Variants in DNAH6 observed in about 807,000 individuals in gnomAD.
DNAH6 encodes dynein axonemal heavy chain 6.
A neutral mutation model predicts 491.4 loss-of-function variants in DNAH6; 340 were observed. The observed-to-expected ratio is 0.69, with a 90% CI of 0.63 to 0.76. The LOEUF is 0.76. Among genes scored for constraint, DNAH6 ranks in the 30% least tolerant of loss-of-function variants. DNAH6 has a pLI of 0.00. For missense variants in DNAH6, 4,443 were observed against 4,972.2 expected (o/e 0.89, Z 3.20); for synonymous variants, 1,603 against 1,686.1 (o/e 0.95, Z 1.21).
rs1055618096 is a variant in DNAH6 at position 84,681,625 on chromosome 2, T to C, written c.6916+97T>C. 2.7e-6 allele frequency: 3 copies of C among 1,122,512 alleles called. No individual in the cohort carries two copies. The African/African-American group carries it at 4.9e-5, about 18-fold the overall frequency. The allele number at this position is 1,122,512 out of a possible 1,614,324, so 69.5% of individuals were successfully genotyped here. A position where few individuals can be genotyped will look rare whatever the true frequency, so the allele number is the denominator to read the frequency against. The stretch of plus-strand genomic sequence containing the variant: ...AACATTGTATGTATGCAGGTGTTGG[T>C]GACTCACCCAGAAATCCCATCACCT... On this transcript the variant is annotated intron_variant, in intron 42 of 76. Transcript: ENST00000389394.
intron 76 of DNAH6, among the ~76,000 whole-genome samples, chr2:84,818,376 C>T (rs1045056823): frequency 3.3e-5 from 5 of 150,470 alleles, no homozygotes; most frequent in African/African-American, 7.3e-5. Flanking sequence ...TAGTCCCAGC[C>T]GCTTGGGAGA....
chr2:84,497,307 T>C, the DNAH6 span, among the ~76,000 whole-genome samples: 2 of 152,164 alleles, frequency 1.3e-5, no homozygotes, highest in African/African-American at 4.8e-5. Context: ...GGGTTTTTTT[T>C]TCGTTCAGCT....
At chr2:84,807,981 T>G (rs1015026357) in intron 71 of DNAH6, among the ~76,000 whole-genome samples, 1 of 152,126 alleles carries the variant, frequency 6.6e-6, no homozygotes, top group African/African-American at 2.4e-5. Flanking sequence ...TGATCTCACT[T>G]AAGCAACAAG....
chr2:84,584,027 T>C lies in DNAH6; in HGVS notation c.2258T>C (p.Ile753Thr), dbSNP rs770157733. The C allele has an allele frequency of 1.2e-6, 2 of 1,613,840 alleles. No homozygotes were observed. The highest frequency in any genetic ancestry group is 1.1e-5 in the South Asian group (1 of 91,068). The change falls in exon 15 of 77, where the codon ATA becomes ACA. Residue 753 changes from isoleucine to threonine, a missense_variant. Physicochemically the swap from Ile to Thr is moderately conservative, Grantham distance 89. Transcript: ENST00000389394. The part of the protein sequence containing the change: ...RIESLEDEGN[I>T]VTQMYKLMEQ... ...GAAAGCCTTGAAGATGAGGGGAATA[T>C]AGTGACTCAAATGTACAAGCTTATG...
At chr2:84,539,671 A>C (rs535004864) in intron 4 of DNAH6, among the ~76,000 whole-genome samples, 90 of 152,162 alleles carry the variant, frequency 5.9e-4, no homozygotes, top group Non-Finnish European at 1.1e-3. Context: ...GTGGAGCCCG[A>C]GAATGTGCAA....
chr2:84,685,751 A>T (rs1694202076), intron 43 of DNAH6, among the ~76,000 whole-genome samples: 1 of 152,212 alleles, frequency 6.6e-6, no homozygotes, highest in African/African-American at 2.4e-5. Flanking sequence ...GGAGTTCGAG[A>T]CCAGCCTGGG....
chr2:84,749,902 G>T (rs1673303950), intron 63 of DNAH6, among the ~76,000 whole-genome samples: 2 of 152,234 alleles, frequency 1.3e-5, no homozygotes, highest in African/African-American at 4.8e-5. Context: ...GCTTTTCAAA[G>T]GTAAATAGGA....
intron 42 of DNAH6, among the ~76,000 whole-genome samples, chr2:84,683,715 G>T (rs1043900983): frequency 1.3e-5 from 2 of 152,008 alleles, no homozygotes; most frequent in African/African-American, 2.4e-5. Context: ...GAGCCACTGC[G>T]CCCGGCCAAT....
chr2:84,689,677 A>C (rs1262020540), intron 45 of DNAH6, among the ~76,000 whole-genome samples: 3 of 152,234 alleles, frequency 2.0e-5, no homozygotes, highest in Non-Finnish European at 4.4e-5. Flanking sequence ...ACTCAAGGTC[A>C]AAAGAAGAGG....
chr2:84,580,246 A>G (rs1378579832), intron 14 of DNAH6, among the ~76,000 whole-genome samples: 1 of 152,100 alleles, frequency 6.6e-6, no homozygotes, highest in Non-Finnish European at 1.5e-5. Flanking sequence ...AAAAAAGTGG[A>G]TATGGGGACT....
intron 37 of DNAH6, 55 bp from the exon 38 acceptor site, chr2:84,669,232 CTG>C: frequency 7.6e-7 from 1 of 1,310,818 alleles, no homozygotes. Context: ...GTATCTACTA[CTG>C]TGTGTCAATA....
At chr2:84,765,036 TG>T (rs1674947680) in intron 64 of DNAH6, among the ~76,000 whole-genome samples, 1 of 151,970 alleles carries the variant, frequency 6.6e-6, no homozygotes, top group Admixed American at 6.6e-5. Context: ...TCTATCAATA[TG>T]ACTATGTCAC....
chr2:84,615,628 G>T (rs1448628121), intron 22 of DNAH6, among the ~76,000 whole-genome samples: 5 of 152,098 alleles, frequency 3.3e-5, no homozygotes, highest in African/African-American at 1.2e-4. Flanking sequence ...GCTTATGGCA[G>T]TATGGTCATT....
At position 84,549,985 on chromosome 2, in the gene DNAH6, A is replaced by G. The variant is rs1467116082; in HGVS notation, c.1413A>G (p.Leu471=). The change falls in exon 9 of 77, where the codon CTA becomes CTG. Residue 471 remains leucine, a synonymous_variant. Coordinates refer to ENST00000389394, the MANE Select transcript of DNAH6 (RefSeq NM_001370.2). The part of the protein sequence containing the change: ...NSLLNHLTDK[L]KRTPSADVIQ... ...TTTTGAACCATCTCACTGACAAGCT[A>G]AAACGAACACCTTCAGCAGATGTCA... 1.2e-6 allele frequency: 2 copies of G among 1,614,096 alleles called. No individual in the cohort carries two copies. The highest frequency in any genetic ancestry group is 3.3e-5 in the Admixed American group (2 of 60,008).
chr2:84,519,697 A>C (rs1675955544), intron 2 of DNAH6, among the ~76,000 whole-genome samples: 6 of 120,484 alleles, frequency 5.0e-5, no homozygotes, highest in East Asian at 4.7e-4. Context: ...TCCTTCTCCT[A>C]CTCTCTTTCT....
rs374542913 is a variant in DNAH6 at position 84,755,410 on chromosome 2, T to C, written c.10513-7345T>C. Among the ~76,000 whole-genome samples the C allele has an allele frequency of 8.5e-5, 13 of 152,288 alleles. No individual in the cohort carries two copies. The East Asian group carries it at 2.5e-3, about 29-fold the overall frequency. On this transcript the variant is annotated intron_variant, in intron 63 of 76. Transcript: ENST00000389394. ...TTTATTTTCTTTATAAATTACCCAG[T>C]CTCAAGTATTCTATTATAGCAGCAC...
chr2:84,763,531 C>G (rs1377457693), intron 64 of DNAH6, among the ~76,000 whole-genome samples: 1 of 152,078 alleles, frequency 6.6e-6, no homozygotes, highest in Admixed American at 6.6e-5. Flanking sequence ...CAAGACCACA[C>G]AATGGCAGAG....
At chr2:84,671,917 C>T (rs535871785) in intron 39 of DNAH6, among the ~76,000 whole-genome samples, 1 of 152,326 alleles carries the variant, frequency 6.6e-6, no homozygotes, top group East Asian at 1.9e-4. Context: ...TGTGAGGGTA[C>T]TGTGATGACA....
At chr2:84,776,469 C>G (rs1205630969) in intron 64 of DNAH6, among the ~76,000 whole-genome samples, 1 of 152,200 alleles carries the variant, frequency 6.6e-6, no homozygotes, top group African/African-American at 2.4e-5. Context: ...CTGCTTTGAT[C>G]ACAGATCAGA....
Sources: gnomAD v4.1 joint callset for allele counts (sites outside exome capture counted in the v4.1 genomes callset) on GRCh38, gnomAD v4.1.1 for gene constraint, MANE v1.5 for transcripts, NCBI Gene and HGNC (gene_info 2026-07-23, HGNC 2026-07-21) for gene names.